The following DACH1 variants were observed in gnomAD, a reference collection of about 807,000 sequenced individuals.
DACH1 encodes the protein dachshund family transcription factor 1, also known as dachshund homolog 1.
Under a neutral mutation model 54.2 loss-of-function variants are expected in DACH1, and 12 were observed. The observed-to-expected ratio is 0.22, with a 90% CI of 0.14 to 0.36. The LOEUF (loss-of-function observed/expected upper bound fraction) is 0.36, where lower values mean the gene tolerates loss of function less well. Among genes scored for constraint, DACH1 ranks in the 10% least tolerant of loss-of-function variants. DACH1 has a pLI of 1.00. For missense variants in DACH1, 805 were observed against 929.8 expected, an observed-to-expected ratio of 0.87 and a Z score of 1.75; for synonymous variants, 386 against 366.2, an observed-to-expected ratio of 1.05 and a Z score of -0.62.
chr13:71,784,630 T>G (rs780966365), intron 1 of DACH1, among the ~76,000 whole-genome samples: 4 of 152,104 alleles, frequency 2.6e-5, no homozygotes, highest in Non-Finnish European at 4.4e-5. Flanking sequence ...CAAATTCTCT[T>G]AGAAGTCCAC....
intron 1 of DACH1, among the ~76,000 whole-genome samples, chr13:71,834,389 A>G (rs1270405191): frequency 1.3e-5 from 2 of 152,060 alleles, no homozygotes. Flanking sequence ...AGCAAAATGG[A>G]TGATGCAAAG....
At chr13:71,811,094 A>G (rs1263359837) in intron 1 of DACH1, among the ~76,000 whole-genome samples, 1 of 152,136 alleles carries the variant, frequency 6.6e-6, no homozygotes, top group Non-Finnish European at 1.5e-5. Flanking sequence ...CACCAGTTCT[A>G]TCCCTAACTA....
intron 10 of DACH1, among the ~76,000 whole-genome samples, chr13:71,441,828 T>C (rs1001437467): frequency 1.3e-5 from 2 of 152,130 alleles, no homozygotes; most frequent in Non-Finnish European, 2.9e-5. Context: ...CATAGAAATA[T>C]TGGTAAGCCC....
chr13:71,656,843 TAGAC>T (rs952483787), intron 2 of DACH1, among the ~76,000 whole-genome samples: 9 of 145,564 alleles, frequency 6.2e-5, no homozygotes, highest in Non-Finnish European at 1.1e-4. Flanking sequence ...GATAGATTGA[TAGAC>T]AGATATAGAT....
chr13:71,729,929 A>C (rs1211867770), intron 1 of DACH1, among the ~76,000 whole-genome samples: 1 of 152,108 alleles, frequency 6.6e-6, no homozygotes, highest in African/African-American at 2.4e-5. Flanking sequence ...AAATGCAATA[A>C]TATGGAATGA....
chr13:71,527,190 ATTAAT>A (rs1882034320), intron 6 of DACH1, among the ~76,000 whole-genome samples: 1 of 151,826 alleles, frequency 6.6e-6, no homozygotes, highest in Admixed American at 6.6e-5. Context: ...TGATTAAATT[ATTAAT>A]TTAATTTAAA....
At chr13:71,773,541 G>A (rs1433221942) in intron 1 of DACH1, among the ~76,000 whole-genome samples, 2 of 151,900 alleles carry the variant, frequency 1.3e-5, no homozygotes, top group African/African-American at 2.4e-5. Context: ...TTTTGGTAAC[G>A]ATCACTAACA....
intron 1 of DACH1, among the ~76,000 whole-genome samples, chr13:71,829,148 A>T (rs182237701): frequency 1.8e-4 from 27 of 152,064 alleles, no homozygotes; most frequent in Non-Finnish European, 2.9e-4. Context: ...AAGTTTTAAT[A>T]GTTTGTGGTT....
chr13:71,744,124 C>T (rs948726745), intron 1 of DACH1, among the ~76,000 whole-genome samples: 4 of 152,142 alleles, frequency 2.6e-5, no homozygotes, highest in South Asian at 2.1e-4. Context: ...GGTGCAGTTA[C>T]AGATACCTCC....
rs1171502107 is a variant in DACH1 at position 71,616,879 on chromosome 13, A to ATT, written c.1126+13675_1126+13676dup. Among the ~76,000 whole-genome samples, 727 of 140,304 alleles carry ATT rather than the reference A, an allele frequency of 5.2e-3. 9 individuals are homozygous for ATT. Among genetic ancestry groups the ATT allele is most frequent in the African/African-American group, 0.017 (659 of 37,786 alleles). The allele number at this position is 140,304 out of a possible 152,430, so 92.0% of individuals were successfully genotyped here. On this transcript the variant is annotated intron_variant, in intron 3 of 10. Transcript: ENST00000613252. ...GTTTCTAATGCAGTTTCGGGGTTCA[A>ATT]TTTTTTTTTTTTTTTTTCTGAGATG...
intron 3 of DACH1, among the ~76,000 whole-genome samples, chr13:71,624,917 T>G (rs559052445): frequency 9.9e-4 from 150 of 152,026 alleles, no homozygotes; most frequent in Non-Finnish European, 1.7e-3. Context: ...GCTCCATCTC[T>G]TGAGTCTCGG....
chr13:71,691,190 A>G (rs182344983), intron 1 of DACH1, among the ~76,000 whole-genome samples: 2 of 152,282 alleles, frequency 1.3e-5, no homozygotes, highest in Admixed American at 1.3e-4. Flanking sequence ...TTTGGTCCCA[A>G]TATGAACCCA....
At chr13:71,856,716 T>C in intron 1 of DACH1, among the ~76,000 whole-genome samples, 1 of 151,970 alleles carries the variant, frequency 6.6e-6, no homozygotes, top group South Asian at 2.1e-4. Flanking sequence ...AATGTATGCC[T>C]GCTTGCACTC....
chr13:71,602,131 G>A (rs1240297660), intron 3 of DACH1, among the ~76,000 whole-genome samples: 1 of 151,846 alleles, frequency 6.6e-6, no homozygotes. Flanking sequence ...TATAAATATG[G>A]CACTATCAAA....
At chr13:71,556,517 A>C (rs1884260509) in intron 6 of DACH1, among the ~76,000 whole-genome samples, 2 of 152,178 alleles carry the variant, frequency 1.3e-5, no homozygotes, top group African/African-American at 2.4e-5. Context: ...CATTAACAAA[A>C]TATAAGAAAC....
intron 3 of DACH1, among the ~76,000 whole-genome samples, chr13:71,581,023 G>A (rs1423308269): frequency 6.8e-6 from 1 of 147,884 alleles, no homozygotes; most frequent in East Asian, 2.0e-4. Flanking sequence ...AGTTCCACGT[G>A]GTCAAGCCTG....
At chr13:71,590,847 T>C (rs1873648084) in intron 3 of DACH1, among the ~76,000 whole-genome samples, 1 of 151,554 alleles carries the variant, frequency 6.6e-6, no homozygotes, top group African/African-American at 2.4e-5. Context: ...TCTTTTCTTT[T>C]TCTCTCTCTG....
At chr13:71,535,553 G>A (rs74095965) in intron 6 of DACH1, among the ~76,000 whole-genome samples, 1 of 151,834 alleles carries the variant, frequency 6.6e-6, no homozygotes, top group Non-Finnish European at 1.5e-5. Flanking sequence ...TCCTTCAGCA[G>A]TTCAAAGGGT....
intron 1 of DACH1, among the ~76,000 whole-genome samples, chr13:71,805,577 A>G (rs1887464945): frequency 6.6e-6 from 1 of 152,160 alleles, no homozygotes; most frequent in Non-Finnish European, 1.5e-5. Flanking sequence ...TTTGAGGAAA[A>G]CACATAACAT....
Sources: allele counts gnomAD v4.1 joint callset (sites outside exome capture counted in the v4.1 genomes callset), GRCh38; gene constraint gnomAD v4.1.1; transcripts MANE v1.5; gene names NCBI Gene and HGNC (gene_info 2026-07-23, HGNC 2026-07-21).